Variants in KCNK10 observed in about 807,000 individuals in gnomAD.
KCNK10 encodes the protein potassium two pore domain channel subfamily K member 10.
A neutral mutation model predicts 47.7 loss-of-function variants in KCNK10; 25 were observed. That is an observed-to-expected ratio of 0.52 (90% confidence interval 0.38 to 0.73). The LOEUF (loss-of-function observed/expected upper bound fraction) is 0.73. Among genes scored for constraint, KCNK10 ranks in the 30% least tolerant of loss-of-function variants. The pLI is 0.00. For synonymous variants in KCNK10, 303 were observed against 285.6 expected, an observed-to-expected ratio of 1.06 and a Z score of -0.61; for missense variants, 563 against 714.5, an observed-to-expected ratio of 0.79 and a Z score of 2.42.
chr14:88,268,090 C>A (rs1887312663), intron 1 of KCNK10, among the ~76,000 whole-genome samples: 2 of 152,078 alleles, frequency 1.3e-5, no homozygotes, highest in African/African-American at 4.8e-5. Flanking sequence ...GCTAGAACAG[C>A]CACTAGACTC....
chr14:88,211,606 G>T (rs895011839), intron 4 of KCNK10, among the ~76,000 whole-genome samples: 3 of 152,168 alleles, frequency 2.0e-5, no homozygotes, highest in Non-Finnish European at 4.4e-5. Context: ...TAGAGGAAAA[G>T]AAAACTTCTG....
rs775480285 is a variant in KCNK10 at position 88,185,852 on chromosome 14, G to C, written c.1315C>G (p.His439Asp). Residue 439 changes from histidine to aspartate, a missense_variant, in exon 7 of 7, where the codon CAT becomes GAT. His to Asp is a moderately conservative substitution (Grantham distance 81). Transcript: ENST00000319231. This position sits in a 1 kb window ranked among gnomAD's most constrained non-coding sequence, Gnocchi z 4.3. The part of the protein sequence containing the change: ...RLKGPEQLNK[H>D]GQGASEDNII... ...TTGTCCTCGGACGCACCCTGCCCAT[G>C]CTTGTTCAGCTGCTCCGGCCCCTTC... The C allele has an allele frequency of 6.2e-7, 1 of 1,614,166 alleles. No homozygotes were observed. Among genetic ancestry groups the C allele is most frequent in the Non-Finnish European group, 8.5e-7 (1 of 1,180,030 alleles).
In KCNK10 at chr14:88,214,642, T is replaced by C. The variant is rs544642382; in HGVS notation, c.681+12733A>G. ...ACATGAGCAAGGGGACACCTAAATC[T>C]TAGATTAACCTCCAAGAAAAGAGAA... is the stretch of plus-strand genomic sequence containing the variant. On this transcript the variant is annotated intron_variant, in intron 4 of 6. Coordinates refer to ENST00000319231, the MANE Select transcript of KCNK10 (RefSeq NM_138317.3). Among the ~76,000 whole-genome samples, 28 of 152,286 alleles carry C rather than the reference T, an allele frequency of 1.8e-4. 1 individual carries two copies. The South Asian group carries it at 5.8e-3, about 32-fold the overall frequency.
rs377433674 is a variant in KCNK10, at chr14:88,208,041, CAG to C, written c.682-15633_682-15632del. The stretch of plus-strand genomic sequence containing the variant: ...ATCCACTGACATTCCCGTGGTGAAG[CAG>C]AGATTTCTCCCCAAACACGATCACC... On this transcript the variant is annotated intron_variant, in intron 4 of 6. Coordinates refer to ENST00000319231, the MANE Select transcript of KCNK10 (RefSeq NM_138317.3). 1.4e-4 allele frequency among the ~76,000 whole-genome samples: 21 copies of C among 152,332 alleles called. No homozygotes were observed. In the East Asian group the frequency reaches 4.1e-3, roughly 29 times the overall value.
intron 1 of KCNK10, among the ~76,000 whole-genome samples, chr14:88,295,349 T>A (rs1305241415): frequency 6.6e-6 from 1 of 152,188 alleles, no homozygotes; most frequent in Non-Finnish European, 1.5e-5. Flanking sequence ...TCTTCTTGGC[T>A]CTTCAGTAGC....
At chr14:88,188,404 G>A (rs1213052340) in intron 5 of KCNK10, among the ~76,000 whole-genome samples, 1 of 152,176 alleles carries the variant, frequency 6.6e-6, no homozygotes, top group African/African-American at 2.4e-5. Flanking sequence ...GAGCGTTAAG[G>A]ATGAATAACT....
At chr14:88,309,391 C>T (rs1181118575) in intron 1 of KCNK10, among the ~76,000 whole-genome samples, 1 of 152,094 alleles carries the variant, frequency 6.6e-6, no homozygotes, top group Non-Finnish European at 1.5e-5. Context: ...TGCTTGAGCT[C>T]AGGAGTTCGA....
chr14:88,238,405 T>C (rs1178016154), intron 3 of KCNK10, among the ~76,000 whole-genome samples: 1 of 152,256 alleles, frequency 6.6e-6, no homozygotes, highest in African/African-American at 2.4e-5. Context: ...GAACAGTGGC[T>C]CATGCCTGTA....
chr14:88,197,509 G>C (rs1377559144), intron 4 of KCNK10, among the ~76,000 whole-genome samples: 5 of 137,316 alleles, frequency 3.6e-5, no homozygotes, highest in Non-Finnish European at 1.5e-5. Context: ...GGGAGGCAGA[G>C]GTTGCAGCGA....
chr14:88,213,788 T>C (rs1287749460), intron 4 of KCNK10, among the ~76,000 whole-genome samples: 1 of 151,100 alleles, frequency 6.6e-6, no homozygotes, highest in East Asian at 1.9e-4. Context: ...AGAGCTAAAA[T>C]GGCTCTTAAA....
Position 88,185,500 on chromosome 14 carries a change from C to T in KCNK10, c.*35G>A, listed in dbSNP as rs1468934639. On this transcript the variant is annotated 3_prime_UTR_variant, in exon 7 of 7. Transcript: ENST00000319231. The surrounding 1 kb of genome is among the most constrained non-coding windows in gnomAD (Gnocchi z 4.3). The stretch of plus-strand genomic sequence containing the variant: ...TATTAAAAACACACACACACACACA[C>T]ACAACGCTCAGTCCAAGACCAATGT... The T allele has an allele frequency of 6.3e-7, 1 of 1,589,650 alleles. No homozygotes were observed.
chr14:88,268,506 G>A (rs1456506156), intron 1 of KCNK10, among the ~76,000 whole-genome samples: 2 of 152,222 alleles, frequency 1.3e-5, no homozygotes, highest in Non-Finnish European at 2.9e-5. Flanking sequence ...GATTAAAAAG[G>A]GAATCATCTG....
Position 88,183,086 on chromosome 14 carries a change from C to T in KCNK10, c.*2449G>A, listed in dbSNP as rs1884423962. The T allele has an allele frequency of 6.6e-6, 1 of 152,354 alleles. No homozygotes were observed. The highest frequency in any genetic ancestry group is 1.5e-5 in the Non-Finnish European group (1 of 68,048). 9.4% of individuals were successfully genotyped at this position (152,354 alleles called of 1,614,324 possible). A position where few individuals can be genotyped will look rare whatever the true frequency, so the allele number is the denominator to read the frequency against. On this transcript the variant is annotated 3_prime_UTR_variant, in exon 7 of 7. Coordinates refer to ENST00000319231, the MANE Select transcript of KCNK10 (RefSeq NM_138317.3). ...CACACACAATCACAAGGATGCATGA[C>T]ACAGACACTGTAGTGAAGTTGAAAG...
intron 1 of KCNK10, among the ~76,000 whole-genome samples, chr14:88,304,875 A>G (rs890715757): frequency 6.6e-6 from 1 of 152,266 alleles, no homozygotes; most frequent in African/African-American, 2.4e-5. Context: ...AGAAACACAC[A>G]TACAACAAGG....
At position 88,299,373 on chromosome 14, in the gene KCNK10, A is replaced by G. The variant is rs946078350; in HGVS notation, c.52+23374T>C. ...TGTCAGGCCTACATCTCACTTTCTCATTGGTGTGCCATTCTCTCTCTGCTT... is the reference window on the plus strand; with the variant it reads ...TGTCAGGCCTACATCTCACTTTCTCGTTGGTGTGCCATTCTCTCTCTGCTT... On this transcript the variant is annotated intron_variant, in intron 1 of 6. Transcript: ENST00000319231. Among the ~76,000 whole-genome samples the G allele has an allele frequency of 2.6e-5, 4 of 152,132 alleles. No individual in the cohort carries two copies. The South Asian group carries it at 8.3e-4, about 32-fold the overall frequency.
In KCNK10 at chr14:88,231,299, A is replaced by AAAAAT; in HGVS notation, c.521-3765_521-3764insATTTT. On this transcript the variant is annotated intron_variant, in intron 3 of 6. Transcript: ENST00000319231. ...TTCTCTGAAAAATAAAAATAAAAAT[A>AAAAAT]AAAAATAAACATCCAATCCAGTGCT... Among the ~76,000 whole-genome samples the AAAAAT allele has an allele frequency of 2.0e-5, 3 of 150,094 alleles. No homozygotes were observed. In the Middle Eastern group the frequency reaches 0.01, roughly 511 times the overall value.
Position 88,323,117 on chromosome 14 carries a change from T to C in KCNK10, c.-319A>G, listed in dbSNP as rs1888584346. ...TGGGGAGATGGAAGAGCCAAGCTGC[T>C]TCCCAAAAGCGGTGCCGGCAGGTTA... is the stretch of plus-strand genomic sequence containing the variant. On this transcript the variant is annotated 5_prime_UTR_variant, in exon 1 of 7. Coordinates refer to ENST00000319231, the MANE Select transcript of KCNK10 (RefSeq NM_138317.3). The C allele has an allele frequency of 8.5e-6, 10 of 1,180,882 alleles. No homozygotes were observed. Among genetic ancestry groups the C allele is most frequent in the East Asian group, 5.2e-5 (1 of 19,164 alleles). 73.2% of individuals were successfully genotyped at this position (1,180,882 alleles called of 1,614,324 possible).
chr14:88,259,823 C>A (rs980964628), intron 2 of KCNK10, among the ~76,000 whole-genome samples: 1 of 152,116 alleles, frequency 6.6e-6, no homozygotes, highest in Non-Finnish European at 1.5e-5. Flanking sequence ...ATGTCCCTGC[C>A]CAAATCTCAT....
intron 3 of KCNK10, among the ~76,000 whole-genome samples, chr14:88,232,500 T>C (rs1486634482): frequency 2.6e-5 from 4 of 152,224 alleles, no homozygotes; most frequent in African/African-American, 9.6e-5. Flanking sequence ...AAACAATTAT[T>C]TCTGCACCTC....
Sources: allele counts gnomAD v4.1 joint callset (sites outside exome capture counted in the v4.1 genomes callset), GRCh38; gene constraint gnomAD v4.1.1; non-coding constraint Gnocchi (gnomAD v3.1); transcripts MANE v1.5; gene names NCBI Gene and HGNC (gene_info 2026-07-23, HGNC 2026-07-21).